Variants in DCLRE1B observed in about 807,000 individuals in gnomAD.
DCLRE1B encodes DNA cross-link repair 1B.
Under a neutral mutation model 19.8 loss-of-function variants are expected in DCLRE1B, and 6 were observed. The observed-to-expected ratio is 0.30, with a 90% CI of 0.17 to 0.60. The LOEUF (loss-of-function observed/expected upper bound fraction) is 0.60, where lower values mean the gene tolerates loss of function less well. Among genes scored for constraint, DCLRE1B ranks in the 20% least tolerant of loss-of-function variants. DCLRE1B has a pLI of 0.87. For synonymous variants in DCLRE1B, 258 were observed against 255.7 expected, an observed-to-expected ratio of 1.01 and a Z score of -0.09; for missense variants, 622 against 654.2, an observed-to-expected ratio of 0.95 and a Z score of 0.54.
chr1:113,911,526 C>T lies in DCLRE1B; in HGVS notation c.934C>T (p.Pro312Ser). The change falls in exon 4 of 4, where the codon CCC (proline) becomes TCC (serine). Residue 312 changes from proline to serine, a missense_variant. Coordinates refer to ENST00000650450, the MANE Select transcript of DCLRE1B (RefSeq NM_022836.4). ...TGGAGGCTTTCAGGACAGTCTGAGC[C>T]CCAGGATCTCCGTGCCCCTGATTCC... ...PCGGFQDSLS[P>S]RISVPLIPDS... The T allele has an allele frequency of 1.9e-6, 3 of 1,613,588 alleles. No homozygotes were observed. The highest frequency in any genetic ancestry group is 2.5e-6 in the Non-Finnish European group (3 of 1,179,698).
At position 113,912,120 on chromosome 1, in the gene DCLRE1B, A is replaced by T. The variant is rs35397235; in HGVS notation, c.1528A>T (p.Asn510Tyr). 2,173 of 1,614,194 alleles carry T rather than the reference A, an allele frequency of 1.3e-3. 14 individuals are homozygous for T. The highest frequency in any genetic ancestry group is 5.9e-3 in the Middle Eastern group (36 of 6,062). Reference protein sequence around the residue: ...LALKYLLTPVNFFQAGYSSRR... With the variant: ...LALKYLLTPVYFFQAGYSSRR... ...ACTCAAATATCTTCTGACTCCAGTG[A>T]ACTTTTTCCAGGCAGGGTATTCTTC... Residue 510 changes from asparagine to tyrosine, a missense_variant, in exon 4 of 4, where the codon AAC becomes TAC. Asn to Tyr is a moderately radical substitution (Grantham distance 143, BLOSUM62 -2). Around this residue, in one of 3 missense-constraint regions of DCLRE1B, gnomAD observed 382 missense variants for 412.5 expected, o/e 0.93. Transcript: ENST00000650450.
rs1473208452 is a variant in DCLRE1B at position 113,913,750 on chromosome 1, A to G, written c.*1559A>G. On this transcript the variant is annotated 3_prime_UTR_variant, in exon 4 of 4. Transcript: ENST00000650450. ...TGAAAGAAATTAATCTGTATATAACATAAGAAACTTTGAAAGTCAAAAAAA... is the reference window on the plus strand; with the variant it reads ...TGAAAGAAATTAATCTGTATATAACGTAAGAAACTTTGAAAGTCAAAAAAA... 6.6e-6 allele frequency: 1 copy of G among 151,144 alleles called. No individual in the cohort carries two copies. The highest frequency in any genetic ancestry group is 1.5e-5 in the Non-Finnish European group (1 of 67,648). The allele number at this position is 151,144 out of a possible 1,614,324, so 9.4% of individuals were successfully genotyped here.
chr1:113,905,612 C>G lies in DCLRE1B; in HGVS notation c.26C>G (p.Thr9Arg). The G allele has an allele frequency of 6.2e-7, 1 of 1,614,200 alleles. No individual in the cohort carries two copies. The highest frequency in any genetic ancestry group is 8.5e-7 in the Non-Finnish European group (1 of 1,180,046). ...ATGAATGGGGTCCTGATCCCCCATA[C>G]GCCCATCGCAGTGGACTTCTGGAGC... MNGVLIPH[T>R]PIAVDFWSLR... The change falls in exon 1 of 4, where the codon ACG (threonine) becomes AGG (arginine). Residue 9 changes from threonine (T) to arginine (R), a missense_variant. Physicochemically the swap from Thr to Arg is moderately conservative, Grantham distance 71. Coordinates refer to ENST00000650450, the MANE Select transcript of DCLRE1B (RefSeq NM_022836.4).
upstream of DCLRE1B, chr1:113,904,848 G>T: frequency 2.4e-6 from 2 of 844,038 alleles, no homozygotes; most frequent in African/African-American, 1.7e-5. Context: ...TCTCGCCTCA[G>T]GCTCGGCTTC....
intron 2 of DCLRE1B, among the ~76,000 whole-genome samples, chr1:113,907,755 T>A (rs541304935): frequency 6.6e-6 from 1 of 152,144 alleles, no homozygotes; most frequent in African/African-American, 2.4e-5. Context: ...ATTACAGGTG[T>A]GAGCCACTGC....
At chr1:113,906,495 C>T (rs866814294) in intron 1 of DCLRE1B, among the ~76,000 whole-genome samples, 57 of 141,696 alleles carry the variant, frequency 4.0e-4, no homozygotes, top group Middle Eastern at 3.8e-3. Context: ...TTGCTGAACT[C>T]TTTTTTTTTT....
upstream of DCLRE1B, chr1:113,904,839 C>G (rs1348106633): frequency 6.7e-6 from 6 of 902,176 alleles, no homozygotes; most frequent in African/African-American, 8.2e-5. Context: ...AAGGCGAGAT[C>G]TCGCCTCAGG....
chr1:113,905,926 CGTGTTTTCGAA>C, intron 1 of DCLRE1B, 151 bp downstream of exon 1: 1 of 900,438 alleles, frequency 1.1e-6, no homozygotes, highest in South Asian at 1.9e-5. Context: ...AGAATAGGAA[CGTGTTTTCGAA>C]GTGACCAACT....
In DCLRE1B at chr1:113,911,928, A is replaced by C. The variant is rs763978178; in HGVS notation, c.1336A>C (p.Lys446Gln). Residue 446 changes from lysine (K) to glutamine (Q), a missense_variant, in exon 4 of 4, where the codon AAA becomes CAA. Around this residue, in one of 3 missense-constraint regions of DCLRE1B, gnomAD observed 382 missense variants for 412.5 expected, o/e 0.93. Coordinates refer to ENST00000650450, the MANE Select transcript of DCLRE1B (RefSeq NM_022836.4). ...RSTDEEFISQ[K>Q]TREEIGLGSP... Reference sequence around the variant, plus strand: ...TACAGATGAGGAGTTTATTTCTCAAAAAACCAGGGAGGAAATTGGTTTAGG... The same window carrying C: ...TACAGATGAGGAGTTTATTTCTCAACAAACCAGGGAGGAAATTGGTTTAGG... The C allele has an allele frequency of 4.5e-5, 73 of 1,614,088 alleles. No homozygotes were observed. Among genetic ancestry groups the C allele is most frequent in the Non-Finnish European group, 6.2e-5 (73 of 1,180,046 alleles).
Position 113,912,231 on chromosome 1 carries a change from G to A in DCLRE1B, c.*40G>A, listed in dbSNP as rs780501453. 1.9e-6 allele frequency: 3 copies of A among 1,542,898 alleles called. No individual in the cohort carries two copies. Among genetic ancestry groups the A allele is most frequent in the Admixed American group, 3.8e-5 (2 of 52,360 alleles). ...AGAATGACAACATTGAGCCCACACT[G>A]CAGTTTTGAAGATAGTAACTGATGG... is the stretch of plus-strand genomic sequence containing the variant. On this transcript the variant is annotated 3_prime_UTR_variant, in exon 4 of 4. Coordinates refer to ENST00000650450, the MANE Select transcript of DCLRE1B (RefSeq NM_022836.4).
At chr1:113,906,115 GGCGCAATCTCGGCTCACT>G (rs1293185786) in intron 1 of DCLRE1B, among the ~76,000 whole-genome samples, 1 of 133,844 alleles carries the variant, frequency 7.5e-6, no homozygotes, top group African/African-American at 2.7e-5. Context: ...GGAGTGCAGT[GGCGCAATCTCGGCTCACT>G]GCAGCCTCCG....
At chr1:113,907,237 T>A in intron 2 of DCLRE1B, 76 bp downstream of exon 2, 1 of 1,079,486 alleles carries the variant, frequency 9.3e-7, no homozygotes, top group Non-Finnish European at 1.3e-6. Context: ...TTTTTTTTAA[T>A]GTATAGACTG....
At position 113,912,065 on chromosome 1, in the gene DCLRE1B, T is replaced by A. The variant is rs1257597157; in HGVS notation, c.1473T>A (p.Pro491=). The change falls in exon 4 of 4, where the codon CCT becomes CCA. Residue 491 remains proline (P), a synonymous_variant. Coordinates refer to ENST00000650450, the MANE Select transcript of DCLRE1B (RefSeq NM_022836.4). ...SPLSHSSKGT[P]LLATEFRGLA... is the part of the protein sequence containing the mutation. ...TGTCCCACAGCAGCAAGGGCACCCC[T>A]CTTCTAGCTACTGAATTCAGGGGTC... The A allele has an allele frequency of 6.2e-7, 1 of 1,614,232 alleles. No homozygotes were observed. Among genetic ancestry groups the A allele is most frequent in the South Asian group, 1.1e-5 (1 of 91,088 alleles).
In DCLRE1B at chr1:113,905,617, A is replaced by T; in HGVS notation, c.31A>T (p.Ile11Phe). The T allele has an allele frequency of 6.2e-7, 1 of 1,614,126 alleles. No individual in the cohort carries two copies. Among genetic ancestry groups the T allele is most frequent in the Non-Finnish European group, 8.5e-7 (1 of 1,180,018 alleles). The part of the protein sequence containing the change: MNGVLIPHTP[I>F]AVDFWSLRRA... ...TGGGGTCCTGATCCCCCATACGCCC[A>T]TCGCAGTGGACTTCTGGAGCCTGCG... Residue 11 changes from isoleucine (I) to phenylalanine (F), a missense_variant, in exon 1 of 4, where the codon ATC becomes TTC. By Grantham distance (21) the Ile-to-Phe change is conservative. Transcript: ENST00000650450.
In DCLRE1B at chr1:113,911,519, T is replaced by C; in HGVS notation, c.927T>C (p.Ser309=). Residue 309 remains serine (S), a synonymous_variant, in exon 4 of 4, where the codon AGT becomes AGC. Transcript: ENST00000650450. ...SRRPCGGFQD[S]LSPRISVPLI... ...GGCCCTGTGGAGGCTTTCAGGACAGTCTGAGCCCCAGGATCTCCGTGCCCC... is the reference window on the plus strand; with the variant it reads ...GGCCCTGTGGAGGCTTTCAGGACAGCCTGAGCCCCAGGATCTCCGTGCCCC... The C allele has an allele frequency of 6.2e-7, 1 of 1,613,950 alleles. No individual in the cohort carries two copies. Among genetic ancestry groups the C allele is most frequent in the Non-Finnish European group, 8.5e-7 (1 of 1,179,884 alleles).
chr1:113,904,777 C>A, upstream of DCLRE1B: 1 of 1,376,480 alleles, frequency 7.3e-7, no homozygotes, highest in African/African-American at 1.4e-5. Context: ...GGCTCCTTCT[C>A]GTCCTGATGT....
rs770223898 is a variant in DCLRE1B at position 113,911,952 on chromosome 1, G to C, written c.1360G>C (p.Gly454Arg). 1.2e-6 allele frequency: 2 copies of C among 1,614,180 alleles called. No homozygotes were observed. The highest frequency in any genetic ancestry group is 1.7e-6 in the Non-Finnish European group (2 of 1,180,014). ...SQKTREEIGL[G>R]SPLVPMGDDD... Reference sequence around the variant, plus strand: ...AAAAACCAGGGAGGAAATTGGTTTAGGGTCCCCCTTGGTACCCATGGGAGA... The same window carrying C: ...AAAAACCAGGGAGGAAATTGGTTTACGGTCCCCCTTGGTACCCATGGGAGA... Residue 454 changes from glycine to arginine, a missense_variant, in exon 4 of 4, where the codon GGG (glycine) becomes CGG (arginine). This residue lies in a region of DCLRE1B where 382 missense variants were observed against 412.5 expected (regional missense o/e 0.93). Coordinates refer to ENST00000650450, the MANE Select transcript of DCLRE1B (RefSeq NM_022836.4).
At position 113,911,368 on chromosome 1, in the gene DCLRE1B, GA is replaced by G. The variant is rs1265371538; in HGVS notation, c.781del (p.Ile261SerfsTer29). On this transcript the variant is annotated frameshift_variant, in exon 4 of 4. Transcript: ENST00000650450. LOFTEE classifies it low-confidence loss of function (END_TRUNC). ...HPTIAILPTSRKIHSSHPDIH... is the reference protein window; with the variant it reads ...HPTIAILPTSXKIHSSHPDIH... ...ACGATTGCTATCCTTCCCACAAGCC[GA>G]AAAATCCACAGCTCCCACCCTGATA... 2.5e-6 allele frequency: 4 copies of G among 1,614,074 alleles called. No homozygotes were observed. Among genetic ancestry groups the G allele is most frequent in the Admixed American group, 3.3e-5 (2 of 60,006 alleles).
Position 113,905,612 on chromosome 1 carries a change from C to A in DCLRE1B, c.26C>A (p.Thr9Lys), listed in dbSNP as rs1558103123. The part of the protein sequence containing the change: MNGVLIPH[T>K]PIAVDFWSLR... ...ATGAATGGGGTCCTGATCCCCCATA[C>A]GCCCATCGCAGTGGACTTCTGGAGC... is the stretch of plus-strand genomic sequence containing the variant. The change falls in exon 1 of 4, where the codon ACG becomes AAG. Residue 9 changes from threonine to lysine, a missense_variant. By Grantham distance (78) the Thr-to-Lys change is moderately conservative. Coordinates refer to ENST00000650450, the MANE Select transcript of DCLRE1B (RefSeq NM_022836.4). 1 of 1,614,200 alleles carries A rather than the reference C, an allele frequency of 6.2e-7. No homozygotes were observed. The highest frequency in any genetic ancestry group is 2.2e-5 in the East Asian group (1 of 44,874).
Sources: allele counts gnomAD v4.1 joint callset (sites outside exome capture counted in the v4.1 genomes callset), GRCh38; gene constraint gnomAD v4.1.1; regional missense constraint gnomAD v4.1.1; transcripts MANE v1.5; gene names NCBI Gene and HGNC (gene_info 2026-07-23, HGNC 2026-07-21).